Variants in RETREG3 observed in about 807,000 individuals in gnomAD.
RETREG3 encodes the protein reticulophagy regulator family member 3.
In RETREG3, 23 loss-of-function variants were observed where a neutral mutation model predicts 50.2. The observed-to-expected ratio is 0.46, with a 90% CI of 0.33 to 0.65. The LOEUF is 0.65. Among genes scored for constraint, RETREG3 ranks in the 30% least tolerant of loss-of-function variants. The pLI, the probability that RETREG3 is intolerant of heterozygous loss-of-function variation, is 0.02. For missense variants in RETREG3, 546 were observed against 598.0 expected (o/e 0.91, Z 0.91); for synonymous variants, 240 against 234.4 (o/e 1.02, Z -0.22).
At position 42,581,706 on chromosome 17, in the gene RETREG3, A is replaced by G. The variant is rs1277466278; in HGVS notation, c.*107T>C. 1 of 1,063,492 alleles carries G rather than the reference A, an allele frequency of 9.4e-7. No individual in the cohort carries two copies. Among genetic ancestry groups the G allele is most frequent in the African/African-American group, 1.6e-5 (1 of 62,302 alleles). The allele number at this position is 1,063,492 out of a possible 1,614,324, so 65.9% of individuals were successfully genotyped here. On this transcript the variant is annotated 3_prime_UTR_variant, in exon 9 of 9. Transcript: ENST00000309428. ...ATCAGCCAGGCCACCCAGCATACAA[A>G]TATAATTCAGGGGAGGGGAGCTGAG...
chr17:42,586,458 A>C, intron 4 of RETREG3: 1 of 412,124 alleles, frequency 2.4e-6, no homozygotes, highest in Non-Finnish European at 4.4e-6. Context: ...CACAAAACCC[A>C]AAAAAACACA....
intron 5 of RETREG3, among the ~76,000 whole-genome samples, chr17:42,585,732 G>A (rs1167084326): frequency 6.6e-6 from 1 of 152,130 alleles, no homozygotes; most frequent in Non-Finnish European, 1.5e-5. Flanking sequence ...AAACCCCTAA[G>A]AGTTATGTTC....
chr17:42,581,298 G>C lies in RETREG3; in HGVS notation c.*515C>G, dbSNP rs1347781782. ...CAGGAGAACCTCTTCAACCTGGAAG[G>C]CAGACGTTGCAGAAAGCCAAGATCA... On this transcript the variant is annotated 3_prime_UTR_variant, in exon 9 of 9. Transcript: ENST00000309428. 6.6e-6 allele frequency: 1 copy of C among 152,480 alleles called. No individual in the cohort carries two copies. Among genetic ancestry groups the C allele is most frequent in the African/African-American group, 2.4e-5 (1 of 41,374 alleles). 9.4% of individuals were successfully genotyped at this position (152,480 alleles called of 1,614,324 possible).
At chr17:42,590,539 G>A (rs979726385) in intron 2 of RETREG3, among the ~76,000 whole-genome samples, 2 of 152,026 alleles carry the variant, frequency 1.3e-5, no homozygotes, top group African/African-American at 4.8e-5. Flanking sequence ...GGACATGGTG[G>A]CAAGTGCCTA....
In RETREG3 at chr17:42,587,174, C is replaced by T. The variant is rs139211710; in HGVS notation, c.378-283G>A. Among the ~76,000 whole-genome samples, 108 of 152,308 alleles carry T rather than the reference C, an allele frequency of 7.1e-4. 2 individuals carry two copies. Among genetic ancestry groups the T allele is most frequent in the African/African-American group, 2.6e-3 (106 of 41,564 alleles). On this transcript the variant is annotated intron_variant, in intron 3 of 8. Coordinates refer to ENST00000309428, the MANE Select transcript of RETREG3 (RefSeq NM_178126.4). ...CTCCAAGGCCCTTTGTGCTTAGAAACGTTTTCTTCCTTGCACTCAGACCAT... is the reference window on the plus strand; with the variant it reads ...CTCCAAGGCCCTTTGTGCTTAGAAATGTTTTCTTCCTTGCACTCAGACCAT...
intron 4 of RETREG3, 52 bp downstream of exon 4, chr17:42,586,713 A>C (rs1262528927): frequency 5.6e-6 from 9 of 1,593,866 alleles, no homozygotes; most frequent in Non-Finnish European, 7.7e-6. Flanking sequence ...TCAGTTTAGC[A>C]TGAACTGAAC....
At chr17:42,605,990 C>CAA (rs764477176) in intron 1 of RETREG3, among the ~76,000 whole-genome samples, 118 of 64,666 alleles carry the variant, frequency 1.8e-3, no homozygotes, top group African/African-American at 2.1e-3. Context: ...GACTCCATCT[C>CAA]AAAAAAAAAA....
chr17:42,605,353 T>C (rs1597744433), intron 1 of RETREG3: 1 of 152,076 alleles, frequency 6.6e-6, no homozygotes, highest in Non-Finnish European at 1.5e-5. Context: ...TTCAATACAA[T>C]AAAAGAGAAA....
intron 1 of RETREG3, among the ~76,000 whole-genome samples, chr17:42,604,885 C>G (rs1056531415): frequency 4.6e-5 from 7 of 152,000 alleles, no homozygotes; most frequent in African/African-American, 1.7e-4. Flanking sequence ...CTGATCCTGT[C>G]AGGATACATG....
intron 6 of RETREG3, among the ~76,000 whole-genome samples, chr17:42,583,876 C>T (rs1001113921): frequency 2.6e-5 from 4 of 152,130 alleles, no homozygotes; most frequent in Middle Eastern, 3.2e-3. Flanking sequence ...GGCGCGATCT[C>T]GGCTCACTGC....
chr17:42,582,832 G>A, intron 7 of RETREG3, 26 bp from the exon 8 acceptor site: 1 of 1,613,852 alleles, frequency 6.2e-7, no homozygotes, highest in Non-Finnish European at 8.5e-7. Context: ...ACAAATGTGA[G>A]ATAATGCCAT....
At chr17:42,582,519 C>T (rs1468815504) in intron 8 of RETREG3, among the ~76,000 whole-genome samples, 155 bp downstream of exon 8, 1 of 152,192 alleles carries the variant, frequency 6.6e-6, no homozygotes, top group Non-Finnish European at 1.5e-5. Context: ...GCAGCAGTGC[C>T]ATCCTGGCTG....
At chr17:42,598,081 A>G (rs8077139) in intron 1 of RETREG3, among the ~76,000 whole-genome samples, 77,004 of 147,162 alleles carry the variant, frequency 0.52, 20,029 homozygotes, top group South Asian at 0.65. Flanking sequence ...TCTCGGGTTC[A>G]TGCCATTCTC....
In RETREG3 at chr17:42,581,365, C is replaced by CA. The variant is rs35248732; in HGVS notation, c.*447dup. 60 of 155,646 alleles carry CA rather than the reference C, an allele frequency of 3.9e-4. No individual in the cohort carries two copies. Among genetic ancestry groups the CA allele is most frequent in the Middle Eastern group, 3.3e-3 (1 of 300 alleles). The allele number at this position is 155,646 out of a possible 1,614,324, so 9.6% of individuals were successfully genotyped here. The stretch of plus-strand genomic sequence containing the variant: ...CCTGGGCAACAGAGCGAAACTGTCT[C>CA]AAAAAAAAAGATGATGACAATGTAA... On this transcript the variant is annotated 3_prime_UTR_variant, in exon 9 of 9. Coordinates refer to ENST00000309428, the MANE Select transcript of RETREG3 (RefSeq NM_178126.4).
intron 1 of RETREG3, among the ~76,000 whole-genome samples, 167 bp from the exon 2 acceptor site, chr17:42,592,329 G>A (rs2093134921): frequency 6.6e-6 from 1 of 152,152 alleles, no homozygotes; most frequent in Admixed American, 6.6e-5. Context: ...TAAACCTTCT[G>A]GACCTTAACT....
At chr17:42,582,302 C>A in intron 8 of RETREG3, 32 bp from the exon 9 acceptor site, 2 of 1,570,428 alleles carry the variant, frequency 1.3e-6, no homozygotes, top group South Asian at 1.2e-5. Flanking sequence ...TGAGTCATGG[C>A]ACCTACCTGG....
At chr17:42,592,264 G>A in intron 1 of RETREG3, 102 bp from the exon 2 acceptor site, 2 of 895,616 alleles carry the variant, frequency 2.2e-6, no homozygotes, top group Non-Finnish European at 3.4e-6. Flanking sequence ...CAGACTTGAG[G>A]TCTAGCTTTT....
At chr17:42,588,721 G>A (rs191004730) in intron 2 of RETREG3, among the ~76,000 whole-genome samples, 3 of 151,946 alleles carry the variant, frequency 2.0e-5, no homozygotes, top group South Asian at 4.2e-4. Flanking sequence ...GCAGTGGCAC[G>A]ATCTTGGCTC....
At chr17:42,595,170 T>C (rs1312433353) in intron 1 of RETREG3, among the ~76,000 whole-genome samples, 1 of 151,676 alleles carries the variant, frequency 6.6e-6, no homozygotes, top group Non-Finnish European at 1.5e-5. Flanking sequence ...GGTTTCACCA[T>C]GTTGGCCAGG....
Sources: gnomAD v4.1 joint callset for allele counts (sites outside exome capture counted in the v4.1 genomes callset) on GRCh38, gnomAD v4.1.1 for gene constraint, MANE v1.5 for transcripts, NCBI Gene and HGNC (gene_info 2026-07-23, HGNC 2026-07-21) for gene names.